PIWIL1: variants seen among roughly 807,000 people sequenced by gnomAD.
The protein encoded by PIWIL1 is piwi like RNA-mediated gene silencing 1, also known as piwi-like protein 1.
PIWIL1 carries 73 observed loss-of-function variants against 114.4 expected under a neutral mutation model. The ratio of observed to expected loss-of-function variants is 0.64; its 90% CI spans 0.53 to 0.78. The LOEUF (loss-of-function observed/expected upper bound fraction) is 0.78. Among genes scored for constraint, PIWIL1 ranks in the 30% least tolerant of loss-of-function variants. PIWIL1 has a pLI of 0.00. For synonymous variants in PIWIL1, 375 were observed against 369.0 expected (o/e 1.02, Z -0.19); for missense variants, 723 against 1,063.1 (o/e 0.68, Z 4.45).
At chr12:130,364,550 G>A (rs528425623) in intron 18 of PIWIL1, among the ~76,000 whole-genome samples, 1 of 152,322 alleles carries the variant, frequency 6.6e-6, no homozygotes, top group South Asian at 2.1e-4. Flanking sequence ...TTGTGTTTCA[G>A]ATTAAAAGAC....
chr12:130,409,205 C>T, the PIWIL1 span, among the ~76,000 whole-genome samples: 1 of 152,094 alleles, frequency 6.6e-6, no homozygotes, highest in African/African-American at 2.4e-5. Flanking sequence ...AACCCCACAA[C>T]AATCAAGATA....
chr12:130,355,517 T>A, intron 11 of PIWIL1, 36 bp from the exon 12 acceptor site: 1 of 1,426,622 alleles, frequency 7.0e-7, no homozygotes, highest in Non-Finnish European at 9.9e-7. Context: ...GCTGTGTCTC[T>A]TTGTTGAGTC....
intron 1 of PIWIL1, among the ~76,000 whole-genome samples, chr12:130,338,970 C>T (rs928892680): frequency 1.3e-5 from 2 of 151,858 alleles, no homozygotes; most frequent in African/African-American, 4.8e-5. Flanking sequence ...CATTGGCGGC[C>T]GTGCGTGAGA....
the PIWIL1 span, chr12:130,399,587 C>T: frequency 2.7e-6 from 4 of 1,455,056 alleles, no homozygotes; most frequent in Admixed American, 2.0e-5. Flanking sequence ...CGCTTTTCGG[C>T]CCAAGATATA....
the PIWIL1 span, chr12:130,424,670 G>C: frequency 8.1e-7 from 1 of 1,231,882 alleles, no homozygotes; most frequent in Non-Finnish European, 1.0e-6. This position sits in a 1 kb window ranked among gnomAD's most constrained non-coding sequence, Gnocchi z 9.8. Context: ...TGCCGGGCCT[G>C]GGCTCTCTGG....
At chr12:130,340,988 G>C (rs1344589613) in intron 1 of PIWIL1, among the ~76,000 whole-genome samples, 4 of 152,106 alleles carry the variant, frequency 2.6e-5, no homozygotes, top group Non-Finnish European at 5.9e-5. Context: ...TTTTAAAATT[G>C]AAAAATGGCA....
chr12:130,417,068 G>A, the PIWIL1 span, among the ~76,000 whole-genome samples: 7 of 152,078 alleles, frequency 4.6e-5, no homozygotes, highest in Non-Finnish European at 1.0e-4. Flanking sequence ...TCAGAATGAC[G>A]ATTAAAAAGT....
the PIWIL1 span, among the ~76,000 whole-genome samples, chr12:130,421,689 A>ATATG: frequency 9.3e-6 from 1 of 106,954 alleles, no homozygotes; most frequent in Non-Finnish European, 1.7e-5. Flanking sequence ...CCCTGCATTT[A>ATATG]TATGTGTGTG....
chr12:130,357,141 C>T, intron 13 of PIWIL1, 36 bp downstream of exon 13: 1 of 1,552,640 alleles, frequency 6.4e-7, no homozygotes, highest in Non-Finnish European at 8.8e-7. Flanking sequence ...CTGAAAATTG[C>T]TTGGCAGTCA....
the PIWIL1 span, among the ~76,000 whole-genome samples, chr12:130,420,215 T>C: frequency 6.6e-6 from 1 of 152,220 alleles, no homozygotes; most frequent in African/African-American, 2.4e-5. This position sits in a 1 kb window ranked among gnomAD's most constrained non-coding sequence, Gnocchi z 4.3. Context: ...CACCCTCCGC[T>C]TCTGTTTCCT....
chr12:130,424,496 A>G, the PIWIL1 span: 1 of 1,231,478 alleles, frequency 8.1e-7, no homozygotes, highest in Non-Finnish European at 1.0e-6. The surrounding 1 kb of genome is among the most constrained non-coding windows in gnomAD (Gnocchi z 9.8). Context: ...CGTCCTCTTC[A>G]CTCCCACAGT....
chr12:130,414,283 A>G, the PIWIL1 span: 1 of 1,603,152 alleles, frequency 6.2e-7, no homozygotes, highest in African/African-American at 1.3e-5. Flanking sequence ...AAGTCTGGAG[A>G]AAGGCGGTCT....
chr12:130,370,438 C>T (rs964105338), intron 19 of PIWIL1, among the ~76,000 whole-genome samples: 8 of 152,130 alleles, frequency 5.3e-5, no homozygotes, highest in Non-Finnish European at 1.2e-4. Context: ...ATTTACATAG[C>T]ATTTGCATTG....
At chr12:130,362,864 A>G (rs763001930) in intron 17 of PIWIL1, 28 bp downstream of exon 17, 1 of 1,611,660 alleles carries the variant, frequency 6.2e-7, no homozygotes, top group East Asian at 2.2e-5. Context: ...TTGCCATTCT[A>G]CTCTCTAAAC....
chr12:130,378,069 G>A, the PIWIL1 span, among the ~76,000 whole-genome samples: 14,256 of 152,216 alleles, frequency 0.094, 863 homozygotes, highest in African/African-American at 0.17. Flanking sequence ...TAATGAGTTT[G>A]GACAAATGTC....
the PIWIL1 span, among the ~76,000 whole-genome samples, chr12:130,410,975 T>A: frequency 1.3e-5 from 2 of 152,210 alleles, no homozygotes; most frequent in African/African-American, 4.8e-5. Context: ...ATTAAGTCCA[T>A]GAATATGATC....
chr12:130,363,932 T>C (rs1277820955), intron 18 of PIWIL1, among the ~76,000 whole-genome samples: 5 of 152,178 alleles, frequency 3.3e-5, no homozygotes. Context: ...CTTTGTCCTT[T>C]TAAGGAATGT....
chr12:130,387,959 T>C, the PIWIL1 span, among the ~76,000 whole-genome samples: 29 of 152,252 alleles, frequency 1.9e-4, no homozygotes, highest in Non-Finnish European at 1.2e-4. Flanking sequence ...AGAAATATGT[T>C]CATCTGTATT....
At chr12:130,365,157 G>A (rs570590660) in intron 18 of PIWIL1, among the ~76,000 whole-genome samples, 2 of 152,334 alleles carry the variant, frequency 1.3e-5, no homozygotes, top group Admixed American at 6.5e-5. Context: ...GGAACACAGC[G>A]TTGCAGGGAA....
Sources: allele counts gnomAD v4.1 joint callset (sites outside exome capture counted in the v4.1 genomes callset), GRCh38; gene constraint gnomAD v4.1.1; non-coding constraint Gnocchi (gnomAD v3.1); transcripts MANE v1.5; gene names NCBI Gene and HGNC (gene_info 2026-07-23, HGNC 2026-07-21).